Variants in EYA2 observed in about 807,000 individuals in gnomAD.
EYA2 encodes the protein protein phosphatase EYA2.
Under a neutral mutation model 69.2 loss-of-function variants are expected in EYA2, and 31 were observed. The ratio of observed to expected loss-of-function variants is 0.45; its 90% CI spans 0.34 to 0.60. EYA2 has a LOEUF of 0.60. EYA2 is among the 20% of genes least tolerant of loss of function. The pLI is 0.02. For synonymous variants in EYA2, 257 were observed against 279.4 expected, an observed-to-expected ratio of 0.92 and a Z score of 0.80; for missense variants, 622 against 701.2, an observed-to-expected ratio of 0.89 and a Z score of 1.28.
At chr20:47,012,902 G>C (rs765653031) in intron 4 of EYA2, among the ~76,000 whole-genome samples, 5 of 152,194 alleles carry the variant, frequency 3.3e-5, no homozygotes, top group African/African-American at 7.2e-5. Context: ...ACTTCTCAGT[G>C]TCTGACTTTC....
intron 1 of EYA2, among the ~76,000 whole-genome samples, chr20:46,916,949 A>G (rs1213602072): frequency 6.6e-6 from 1 of 152,236 alleles, no homozygotes; most frequent in Non-Finnish European, 1.5e-5. Context: ...TATAAAATAC[A>G]TAAATTAGTA....
chr20:47,023,829 G>T (rs2146384881), intron 5 of EYA2, among the ~76,000 whole-genome samples: 1 of 151,992 alleles, frequency 6.6e-6, no homozygotes, highest in Middle Eastern at 3.4e-3. Flanking sequence ...GTGGAGATGG[G>T]GTTTTGCCAT....
chr20:46,908,752 T>C (rs1377413969), intron 1 of EYA2, among the ~76,000 whole-genome samples: 3 of 151,814 alleles, frequency 2.0e-5, no homozygotes, highest in Non-Finnish European at 2.9e-5. Context: ...TTAAAATCAC[T>C]ATGAGGAACC....
intron 15 of EYA2, 102 bp downstream of exon 15, chr20:47,183,493 C>T: frequency 1.0e-6 from 1 of 961,008 alleles, no homozygotes; most frequent in Non-Finnish European, 1.6e-6. Flanking sequence ...CCGTGGCTGG[C>T]TGGGTCCTCC....
At chr20:47,036,493 G>A (rs1224108207) in intron 5 of EYA2, among the ~76,000 whole-genome samples, 1 of 152,136 alleles carries the variant, frequency 6.6e-6, no homozygotes, top group East Asian at 1.9e-4. Context: ...GGCTAGGAGG[G>A]TAAGCAGACA....
chr20:47,023,632 G>GGTT (rs755649278), intron 5 of EYA2, among the ~76,000 whole-genome samples: 4 of 90,116 alleles, frequency 4.4e-5, no homozygotes, highest in African/African-American at 1.3e-4. Context: ...GATTTTGGGT[G>GGTT]TTTTTTTTTT....
chr20:46,911,440 G>C (rs773643710), intron 1 of EYA2, among the ~76,000 whole-genome samples: 14 of 152,222 alleles, frequency 9.2e-5, no homozygotes, highest in Non-Finnish European at 1.9e-4. Context: ...ATTGGCAGTA[G>C]AGGTTATGAG....
intron 1 of EYA2, among the ~76,000 whole-genome samples, chr20:46,920,772 CT>C (rs1379047418): frequency 2.0e-5 from 3 of 152,190 alleles, no homozygotes; most frequent in Non-Finnish European, 2.9e-5. Flanking sequence ...AGGATGTGTC[CT>C]GGGACCTCTC....
At chr20:47,094,188 G>T (rs1177213857) in intron 8 of EYA2, among the ~76,000 whole-genome samples, 1 of 152,160 alleles carries the variant, frequency 6.6e-6, no homozygotes, top group African/African-American at 2.4e-5. Flanking sequence ...AATGGATAAA[G>T]TAAGGGAGCC....
chr20:47,143,330 T>G (rs1213329016), intron 10 of EYA2, among the ~76,000 whole-genome samples, 182 bp downstream of exon 10: 1 of 152,146 alleles, frequency 6.6e-6, no homozygotes, highest in Non-Finnish European at 1.5e-5. Flanking sequence ...CGGTGATGGT[T>G]TATTGGAAAC....
intron 9 of EYA2, among the ~76,000 whole-genome samples, chr20:47,115,578 T>C (rs1460486027): frequency 6.6e-6 from 1 of 152,040 alleles, no homozygotes; most frequent in African/African-American, 2.4e-5. Flanking sequence ...GCTGTGTCTG[T>C]CTCTTGAATC....
At chr20:46,994,314 T>C (rs918260810) in intron 2 of EYA2, among the ~76,000 whole-genome samples, 2 of 152,234 alleles carry the variant, frequency 1.3e-5, no homozygotes, top group Non-Finnish European at 2.9e-5. Flanking sequence ...TTATTCCTTA[T>C]GATTCAAGGG....
intron 1 of EYA2, among the ~76,000 whole-genome samples, chr20:46,985,137 G>A (rs956566504): frequency 2.0e-5 from 3 of 152,182 alleles, no homozygotes; most frequent in Non-Finnish European, 2.9e-5. Flanking sequence ...TGGAAAATAA[G>A]GATAAATGGG....
At chr20:47,117,412 TC>T in intron 9 of EYA2, 1 of 985,398 alleles carries the variant, frequency 1.0e-6, no homozygotes, top group Non-Finnish European at 1.2e-6. Context: ...TTCTTGCAGA[TC>T]CAGAGGCCAG....
chr20:47,071,512 C>T (rs199744959), intron 5 of EYA2, among the ~76,000 whole-genome samples: 14 of 151,730 alleles, frequency 9.2e-5, no homozygotes, highest in East Asian at 7.8e-4. Flanking sequence ...GACCAAACTC[C>T]GGGGCTCAAG....
intron 9 of EYA2, among the ~76,000 whole-genome samples, chr20:47,136,994 C>G (rs1427100979): frequency 6.6e-6 from 1 of 152,090 alleles, no homozygotes; most frequent in African/African-American, 2.4e-5. Context: ...AGAGAACCAC[C>G]CACAAGTTCT....
At chr20:47,116,443 G>T (rs2032895225) in intron 9 of EYA2, among the ~76,000 whole-genome samples, 1 of 152,130 alleles carries the variant, frequency 6.6e-6, no homozygotes, top group South Asian at 2.1e-4. Context: ...CTCCCAAAGT[G>T]CTGGGATCAT....
At chr20:46,965,154 C>A (rs775680564) in intron 1 of EYA2, among the ~76,000 whole-genome samples, 6 of 152,158 alleles carry the variant, frequency 3.9e-5, no homozygotes, top group Non-Finnish European at 5.9e-5. Context: ...TGCTCTATGT[C>A]CAGTACTTAG....
intron 9 of EYA2, among the ~76,000 whole-genome samples, chr20:47,142,093 G>T (rs1023694131): frequency 2.7e-4 from 41 of 152,150 alleles, no homozygotes; most frequent in African/African-American, 8.9e-4. Flanking sequence ...TAGGCTTTGT[G>T]GGACACACAG....
Sources: allele counts gnomAD v4.1 joint callset (sites outside exome capture counted in the v4.1 genomes callset), GRCh38; gene constraint gnomAD v4.1.1; transcripts MANE v1.5; gene names NCBI Gene and HGNC (gene_info 2026-07-23, HGNC 2026-07-21).